DDX20: variants seen among roughly 807,000 people sequenced by gnomAD.
DDX20 encodes the protein probable ATP-dependent RNA helicase DDX20.
DDX20 carries 61 observed loss-of-function variants against 76.4 expected under a neutral mutation model. The ratio of observed to expected loss-of-function variants is 0.80; its 90% CI spans 0.65 to 0.99. The LOEUF (loss-of-function observed/expected upper bound fraction) is 0.99. Among genes scored for constraint, DDX20 ranks in the 50% least tolerant of loss-of-function variants. The pLI, the probability that DDX20 is intolerant of heterozygous loss-of-function variation, is 0.00. For missense variants in DDX20, 976 were observed against 996.8 expected (o/e 0.98, Z 0.28); for synonymous variants, 357 against 357.4 (o/e 1.00, Z 0.01).
intron 10 of DDX20, among the ~76,000 whole-genome samples, chr1:111,763,720 T>G (rs569303971): frequency 6.6e-6 from 1 of 152,352 alleles, no homozygotes; most frequent in African/African-American, 2.4e-5. Flanking sequence ...ATATTCTCCT[T>G]TGTCACCATG....
At chr1:111,762,437 C>A in intron 8 of DDX20, 100 bp downstream of exon 8, 1 of 973,068 alleles carries the variant, frequency 1.0e-6, no homozygotes, top group Non-Finnish European at 1.6e-6. Flanking sequence ...GCGTATCTAA[C>A]AAGAATACCA....
rs1350984565 is a variant in DDX20 at position 111,761,115 on chromosome 1, T to C, written c.952T>C (p.Leu318=). 2.5e-6 allele frequency: 4 copies of C among 1,613,436 alleles called. No homozygotes were observed. Among genetic ancestry groups the C allele is most frequent in the Non-Finnish European group, 3.4e-6 (4 of 1,179,784 alleles). ...PFNQALVFSN[L]HSRAQHLADI... is the part of the protein sequence containing the mutation. ...TAATCAAGCTTTAGTCTTTTCTAAT[T>C]TGCACAGCAGGTAATGTAACTTAAA... The change falls in exon 6 of 11, where the codon TTG becomes CTG. Residue 318 remains leucine (L), a synonymous_variant. Transcript: ENST00000369702.
intron 10 of DDX20, 52 bp downstream of exon 10, chr1:111,763,059 T>C: frequency 7.1e-7 from 1 of 1,404,990 alleles, no homozygotes; most frequent in Non-Finnish European, 1.0e-6. Flanking sequence ...GTGATAAGCA[T>C]AATAAAAATG....
rs3085901 is a variant in DDX20 at position 111,767,472 on chromosome 1, CAA to C, written c.*575_*576del. 0.19 allele frequency: 28,794 copies of C among 152,022 alleles called. 3,732 individuals are homozygous for C. Among genetic ancestry groups the C allele is most frequent in the African/African-American group, 0.37 (15,450 of 41,396 alleles). The allele number at this position is 152,022 out of a possible 1,614,324, so 9.4% of individuals were successfully genotyped here. ...TAAAAATATTTGTTTTTAGTAAAAA[CAA>C]ATTTAAATATATTTACATGTTTGTT... On this transcript the variant is annotated 3_prime_UTR_variant, in exon 11 of 11. Coordinates refer to ENST00000369702, the MANE Select transcript of DDX20 (RefSeq NM_007204.5).
rs61752473 is a variant in DDX20, at chr1:111,766,160, C to G, written c.1736C>G (p.Ser579Cys). 0.012 allele frequency: 18,893 copies of G among 1,614,170 alleles called. 191 individuals carry two copies. Among genetic ancestry groups the G allele is most frequent in the Non-Finnish European group, 0.013 (14,956 of 1,180,022 alleles). ...TCACTCCCCCAGATTCCTTGTCTGT[C>G]TTCCTTTAAAATCCATCAGCCATAC... ...PVSLPQIPCL[S>C]SFKIHQPYTL... Residue 579 changes from serine to cysteine, a missense_variant, in exon 11 of 11, where the codon TCT becomes TGT. Coordinates refer to ENST00000369702, the MANE Select transcript of DDX20 (RefSeq NM_007204.5).
rs1200527466 is a variant in DDX20 at position 111,766,365 on chromosome 1, C to T, written c.1941C>T (p.Ser647=). The T allele has an allele frequency of 6.2e-7, 1 of 1,614,026 alleles. No homozygotes were observed. The highest frequency in any genetic ancestry group is 8.5e-7 in the Non-Finnish European group (1 of 1,180,038). ...GAGTCCCTGTGTTGGCAAGTAGTAG[C>T]CAATCTGGAGACTCTGAGAGTGACA... is the stretch of plus-strand genomic sequence containing the variant. ...EQRVPVLASS[S]QSGDSESDSD... is the part of the protein sequence containing the mutation. Residue 647 remains serine, a synonymous_variant, in exon 11 of 11, where the codon AGC becomes AGT. Transcript: ENST00000369702.
intron 10 of DDX20, among the ~76,000 whole-genome samples, chr1:111,763,520 T>C (rs1663717357): frequency 6.7e-6 from 1 of 149,324 alleles, no homozygotes; most frequent in South Asian, 2.1e-4. Flanking sequence ...TGCAGTGAGC[T>C]GAAATCAAGC....
Position 111,756,836 on chromosome 1 carries a change from T to A in DDX20, c.396+96T>A, listed in dbSNP as rs879641782. 5.7e-5 allele frequency: 59 copies of A among 1,031,846 alleles called. 1 individual carries two copies. Among genetic ancestry groups the A allele is most frequent in the Non-Finnish European group, 8.3e-5 (56 of 672,072 alleles). The allele number at this position is 1,031,846 out of a possible 1,614,324, so 63.9% of individuals were successfully genotyped here. ...TAGCTCCTCAGAGCTGGAAGTGAATTTGATGAATGATTGAGTTAAGTGGTG... is the reference window on the plus strand; with the variant it reads ...TAGCTCCTCAGAGCTGGAAGTGAATATGATGAATGATTGAGTTAAGTGGTG... On this transcript the variant is annotated intron_variant, in intron 2 of 10. Coordinates refer to ENST00000369702, the MANE Select transcript of DDX20 (RefSeq NM_007204.5).
rs141139565 is a variant in DDX20 at position 111,759,565 on chromosome 1, C to G, written c.562C>G (p.Pro188Ala). The change falls in exon 3 of 11, where the codon CCT becomes GCT. Residue 188 changes from proline to alanine, a missense_variant. Transcript: ENST00000369702. ...LKKCHIAVGS[P>A]GRIKQLIELD... ...AAAGTGTCATATTGCTGTTGGATCT[C>G]CTGGTAAGATAACAATGCCTGTTGG... is the stretch of plus-strand genomic sequence containing the variant. 21 of 1,611,492 alleles carry G rather than the reference C, an allele frequency of 1.3e-5. No homozygotes were observed. In the Admixed American group the frequency reaches 3.5e-4, roughly 27 times the overall value.
At chr1:111,762,849 C>T (rs1295689648) in intron 9 of DDX20, 57 bp from the exon 10 acceptor site, 2 of 1,578,062 alleles carry the variant, frequency 1.3e-6, no homozygotes, top group South Asian at 1.1e-5. Flanking sequence ...GACAGGTGGG[C>T]TTTGAATATT....
At chr1:111,762,147 G>A (rs151108450) in intron 7 of DDX20, 108 bp from the exon 8 acceptor site, 5 of 743,770 alleles carry the variant, frequency 6.7e-6, no homozygotes, top group South Asian at 3.6e-5. Context: ...TGTGGTTGGT[G>A]TATTAAAAGT....
chr1:111,756,260 G>C (rs775854777), intron 1 of DDX20, 35 bp downstream of exon 1: 1 of 1,322,144 alleles, frequency 7.6e-7, no homozygotes, highest in Admixed American at 3.5e-5. Context: ...TCGGGGGGTG[G>C]GGTGGGAGAA....
In DDX20 at chr1:111,761,014, A is replaced by G. The variant is rs777553753; in HGVS notation, c.851A>G (p.Asn284Ser). The G allele has an allele frequency of 5.6e-6, 9 of 1,613,854 alleles. No individual in the cohort carries two copies. Among genetic ancestry groups the G allele is most frequent in the Middle Eastern group, 1.6e-4 (1 of 6,080 alleles). ...TTGAAGCAGTATTACAAAGTTGTCAATTCATACCCTTTGGCACATAAGGTT... is the reference window on the plus strand; with the variant it reads ...TTGAAGCAGTATTACAAAGTTGTCAGTTCATACCCTTTGGCACATAAGGTT... ...IGLKQYYKVV[N>S]SYPLAHKVFE... Residue 284 changes from asparagine to serine, a missense_variant, in exon 6 of 11, where the codon AAT becomes AGT. Asn to Ser is a conservative substitution (Grantham distance 46, BLOSUM62 1). This residue lies in a region of DDX20 where 630 missense variants were observed against 693.7 expected (regional missense o/e 0.91). Coordinates refer to ENST00000369702, the MANE Select transcript of DDX20 (RefSeq NM_007204.5).
At chr1:111,761,675 A>T (rs1663679743) in intron 7 of DDX20, 1 of 157,082 alleles carries the variant, frequency 6.4e-6, no homozygotes. Flanking sequence ...TGACTGTTTT[A>T]TGGTTTTGTG....
In DDX20 at chr1:111,756,007, C is replaced by T. The variant is rs1405821088; in HGVS notation, c.83C>T (p.Pro28Leu). 8.1e-6 allele frequency: 13 copies of T among 1,608,442 alleles called. No homozygotes were observed. The highest frequency in any genetic ancestry group is 1.1e-5 in the Non-Finnish European group (13 of 1,177,434). Residue 28 changes from proline to leucine, a missense_variant, in exon 1 of 11, where the codon CCG (proline) becomes CTG (leucine). Physicochemically the swap from Pro to Leu is moderately conservative, Grantham distance 98. Coordinates refer to ENST00000369702, the MANE Select transcript of DDX20 (RefSeq NM_007204.5). ...MPAEHVAVQV[P>L]APEPTPGPVR... ...GCTGAGCATGTGGCCGTGCAGGTCC[C>T]GGCCCCAGAGCCAACACCCGGGCCT...
rs1663768702 is a variant in DDX20, at chr1:111,765,936, A to G, written c.1512A>G (p.Leu504=). 2 of 1,613,526 alleles carry G rather than the reference A, an allele frequency of 1.2e-6. No individual in the cohort carries two copies. The highest frequency in any genetic ancestry group is 2.2e-5 in the East Asian group (1 of 44,888). The change falls in exon 11 of 11, where the codon CTA becomes CTG. Residue 504 remains leucine (L), a synonymous_variant. Transcript: ENST00000369702. ...ASSRNNSVSG[L]SVKSKNNTKQ... is the part of the protein sequence containing the mutation. ...CTAGAAATAATTCTGTATCTGGACT[A>G]TCAGTCAAATCAAAAAATAATACCA...
chr1:111,761,397 T>C (rs1328099951), intron 7 of DDX20, 113 bp downstream of exon 7: 1 of 819,336 alleles, frequency 1.2e-6, no homozygotes, highest in African/African-American at 1.7e-5. Context: ...AATTATCTTG[T>C]ATCTTTTAGA....
chr1:111,756,159 G>A lies in DDX20; in HGVS notation c.235G>A (p.Ala79Thr), dbSNP rs1316680234. Residue 79 changes from alanine (A) to threonine (T), a missense_variant, in exon 1 of 11, where the codon GCG becomes ACG. Ala to Thr is a moderately conservative substitution (Grantham distance 58). Coordinates refer to ENST00000369702, the MANE Select transcript of DDX20 (RefSeq NM_007204.5). The part of the protein sequence containing the change: ...LSRPVLEGLR[A>T]AGFERPSPVQ... ...GCGGCCGGTGCTGGAGGGGCTGCGG[G>A]CGGCCGGCTTCGAGAGGCCCTCGCC... 1 of 1,555,390 alleles carries A rather than the reference G, an allele frequency of 6.4e-7. No individual in the cohort carries two copies. The highest frequency in any genetic ancestry group is 8.6e-7 in the Non-Finnish European group (1 of 1,158,668).
At chr1:111,756,400 G>A (rs1431281721) in intron 1 of DDX20, among the ~76,000 whole-genome samples, 175 bp downstream of exon 1, 1 of 152,264 alleles carries the variant, frequency 6.6e-6, no homozygotes, top group Non-Finnish European at 1.5e-5. Flanking sequence ...AAACTAACGT[G>A]CACTATTGAA....
Sources: allele counts gnomAD v4.1 joint callset (sites outside exome capture counted in the v4.1 genomes callset), GRCh38; gene constraint gnomAD v4.1.1; regional missense constraint gnomAD v4.1.1; transcripts MANE v1.5; gene names NCBI Gene and HGNC (gene_info 2026-07-23, HGNC 2026-07-21).